The following CTU2 variants were observed in gnomAD, a reference collection of about 807,000 sequenced individuals.
CTU2 encodes cytoplasmic tRNA 2-thiolation protein 2.
In CTU2, 80 loss-of-function variants were observed where a neutral mutation model predicts 64.1. The observed-to-expected ratio is 1.25, with a 90% CI of 1.04 to 1.50. The LOEUF (loss-of-function observed/expected upper bound fraction) is 1.50. Ranked by LOEUF, CTU2 falls within the 40% of genes most tolerant of loss-of-function variation. The pLI, the probability that CTU2 is intolerant of heterozygous loss-of-function variation, is 0.00. For synonymous variants in CTU2, 482 were observed against 285.3 expected (o/e 1.69, Z -6.95); for missense variants, 1,110 against 690.2 (o/e 1.61, Z -6.81).
Position 88,709,984 on chromosome 16 carries a change from G to A in CTU2, c.190G>A (p.Gly64Ser), listed in dbSNP as rs750767961. ...CGTCCACAAGTTCAGAGCCATGCTG[G>A]GCAAGAACCGGCTCATCTTTCCAGG... ...FYVHKFRAML[G>S]KNRLIFPGEK... is the part of the protein sequence containing the mutation. Residue 64 changes from glycine (G) to serine (S), a missense_variant, in exon 3 of 15, where the codon GGC (glycine) becomes AGC (serine). By Grantham distance (56) the Gly-to-Ser change is moderately conservative (BLOSUM62 0). Transcript: ENST00000453996. 2.5e-6 allele frequency: 4 copies of A among 1,613,906 alleles called. No individual in the cohort carries two copies. The highest frequency in any genetic ancestry group is 3.4e-6 in the Non-Finnish European group (4 of 1,180,006).
Position 88,712,699 on chromosome 16 carries a change from C to G in CTU2, c.531C>G (p.Ala177=). 1 of 1,610,380 alleles carries G rather than the reference C, an allele frequency of 6.2e-7. No individual in the cohort carries two copies. The highest frequency in any genetic ancestry group is 8.5e-7 in the Non-Finnish European group (1 of 1,179,410). ...GATCCGAGGGGGCCTACAAGGCGGC[C>G]GTGGACAGCTTCCTCCAGCAGCAGC... is the stretch of plus-strand genomic sequence containing the variant. ...LVGSEGAYKA[A]VDSFLQQQHV... The change falls in exon 7 of 15, where the codon GCC becomes GCG. Residue 177 remains alanine, a synonymous_variant. Coordinates refer to ENST00000453996, the MANE Select transcript of CTU2 (RefSeq NM_001012759.3).
rs746726131 is a variant in CTU2 at position 88,713,440 on chromosome 16, G to A, written c.866G>A (p.Trp289Ter). Reference protein sequence around the residue: ...LALGRGAFLAWDTGFSDERHG... With the variant: ...LALGRGAFLA The stretch of plus-strand genomic sequence containing the variant: ...CTGGGTCGAGGGGCCTTCCTGGCCT[G>A]GGATACGGTAGGCAGGGGCCTGGGT... The change falls in exon 8 of 15, where the codon TGG becomes TAG. Residue 289 changes from tryptophan (W) to a stop codon, truncating the protein, a stop_gained. Coordinates refer to ENST00000453996, the MANE Select transcript of CTU2 (RefSeq NM_001012759.3). LOFTEE classifies it high-confidence loss of function. 1.3e-6 allele frequency: 2 copies of A among 1,579,020 alleles called. No homozygotes were observed. The highest frequency in any genetic ancestry group is 2.3e-5 in the East Asian group (1 of 44,048).
At chr16:88,715,023 C>T (rs769410764) in intron 13 of CTU2, 25 bp from the exon 14 acceptor site, 20 of 1,578,580 alleles carry the variant, frequency 1.3e-5, no homozygotes, top group Middle Eastern at 1.7e-4. Flanking sequence ...GTTTCTTGGC[C>T]CCTCGACACC....
At position 88,709,960 on chromosome 16, in the gene CTU2, G is replaced by T. The variant is rs1249435622; in HGVS notation, c.166G>T (p.Val56Phe). 2 of 1,613,848 alleles carry T rather than the reference G, an allele frequency of 1.2e-6. No homozygotes were observed. Residue 56 changes from valine (V) to phenylalanine (F), a missense_variant, in exon 3 of 15, where the codon GTC becomes TTC. Physicochemically the swap from Val to Phe is conservative, Grantham distance 50. Transcript: ENST00000453996. Reference sequence around the variant, plus strand: ...CAGGGACTGTTTCAAGGCCTTCTACGTCCACAAGTTCAGAGCCATGCTGGG... The same window carrying T: ...CAGGGACTGTTTCAAGGCCTTCTACTTCCACAAGTTCAGAGCCATGCTGGG... ...FCRDCFKAFY[V>F]HKFRAMLGKN...
At chr16:88,713,809 A>C (rs1246384755) in intron 9 of CTU2, 31 bp downstream of exon 9, 2 of 1,610,344 alleles carry the variant, frequency 1.2e-6, no homozygotes, top group South Asian at 1.1e-5. Flanking sequence ...AACCTCTCTC[A>C]CCATTGACAC....
Position 88,715,174 on chromosome 16 carries a change from C to T in CTU2, c.1479-8C>T, listed in dbSNP as rs1311097857. On this transcript the variant is annotated splice_region_variant and splice_polypyrimidine_tract_variant and intron_variant, in intron 14 of 14. Coordinates refer to ENST00000453996, the MANE Select transcript of CTU2 (RefSeq NM_001012759.3). ...CGGGGCTGGTGCCCACTGCAGCTTTCTCTCTAGGGCCTGGGGCTTGCAGGA... is the reference window on the plus strand; with the variant it reads ...CGGGGCTGGTGCCCACTGCAGCTTTTTCTCTAGGGCCTGGGGCTTGCAGGA... 5 of 1,611,528 alleles carry T rather than the reference C, an allele frequency of 3.1e-6. No individual in the cohort carries two copies. The highest frequency in any genetic ancestry group is 1.3e-5 in the African/African-American group (1 of 74,892).
rs368298039 is a variant in CTU2 at position 88,715,262 on chromosome 16, G to C, written c.*11G>C. On this transcript the variant is annotated 3_prime_UTR_variant, in exon 15 of 15. Coordinates refer to ENST00000453996, the MANE Select transcript of CTU2 (RefSeq NM_001012759.3). The stretch of plus-strand genomic sequence containing the variant: ...GCGGGCCAGAGCTGAGCGTGAGGAC[G>C]TGCTTGCCGGGACAGCAGGCAGTGG... The C allele has an allele frequency of 6.2e-7, 1 of 1,610,004 alleles. No individual in the cohort carries two copies. Among genetic ancestry groups the C allele is most frequent in the Non-Finnish European group, 8.5e-7 (1 of 1,179,562 alleles).
intron 1 of CTU2, 60 bp downstream of exon 1, chr16:88,706,658 C>T (rs1910863055): frequency 8.1e-7 from 1 of 1,228,736 alleles, no homozygotes; most frequent in South Asian, 1.8e-5. Context: ...CACTCCTGCC[C>T]CGAAGGGTCC....
chr16:88,706,512 G>T lies in CTU2; in HGVS notation c.-19G>T. The T allele has an allele frequency of 7.0e-7, 1 of 1,418,850 alleles. No individual in the cohort carries two copies. The highest frequency in any genetic ancestry group is 9.1e-7 in the Non-Finnish European group (1 of 1,093,004). The allele number at this position is 1,418,850 out of a possible 1,614,324, so 87.9% of individuals were successfully genotyped here. On this transcript the variant is annotated 5_prime_UTR_variant, in exon 1 of 15. Coordinates refer to ENST00000453996, the MANE Select transcript of CTU2 (RefSeq NM_001012759.3). ...TCGCGCTGTCGCCGCCACAGTCTGC[G>T]ACGGGACCCGGCGTGCCCATGTGTC...
intron 1 of CTU2, 126 bp downstream of exon 1, chr16:88,706,724 A>G: frequency 1.5e-6 from 1 of 666,098 alleles, no homozygotes; most frequent in Non-Finnish European, 2.3e-6. Flanking sequence ...GCTCCCTAGC[A>G]CTCGGGGAAT....
intron 2 of CTU2, among the ~76,000 whole-genome samples, chr16:88,707,753 TCTC>T (rs1463780419): frequency 1.3e-5 from 2 of 152,096 alleles, no homozygotes; most frequent in African/African-American, 4.8e-5. Context: ...ACCAGGTCTC[TCTC>T]CTTTTAGCCC....
At chr16:88,713,879 A>T in intron 9 of CTU2, 101 bp downstream of exon 9, 1 of 1,480,668 alleles carries the variant, frequency 6.8e-7, no homozygotes, top group Admixed American at 1.7e-5. Flanking sequence ...GCACACCTTC[A>T]GTGACTCCTG....
intron 5 of CTU2, 32 bp from the exon 6 acceptor site, chr16:88,712,242 G>C (rs188714021): frequency 1.9e-6 from 3 of 1,557,272 alleles, no homozygotes; most frequent in Middle Eastern, 1.7e-4. Context: ...GCTCCTCTCT[G>C]AGCCCTGACT....
Position 88,707,118 on chromosome 16 carries a change from C to T in CTU2, c.69-18C>T. 4 of 1,612,398 alleles carry T rather than the reference C, an allele frequency of 2.5e-6. No homozygotes were observed. The highest frequency in any genetic ancestry group is 3.4e-6 in the Non-Finnish European group (4 of 1,178,640). On this transcript the variant is annotated intron_variant, in intron 1 of 14. Transcript: ENST00000453996. ...TGTGATCTGTGTTTCTCTCTTCTCC[C>T]CCCTCCCATCTCCAAAGCCGTGAGC...
At position 88,714,190 on chromosome 16, in the gene CTU2, C is replaced by G. The variant is rs780126764; in HGVS notation, c.1060C>G (p.Gln354Glu). ...GATGGAGGCCTTCATCCTCAGGCTG[C>G]AGACCCAGTTCCCCTCCACTGTCAG... Reference protein sequence around the residue: ...RLMEAFILRLQTQFPSTVSTV... With the variant: ...RLMEAFILRLETQFPSTVSTV... The change falls in exon 10 of 15, where the codon CAG becomes GAG. Residue 354 changes from glutamine (Q) to glutamate (E), a missense_variant. Physicochemically the swap from Gln to Glu is conservative, Grantham distance 29. Coordinates refer to ENST00000453996, the MANE Select transcript of CTU2 (RefSeq NM_001012759.3). 1.2e-6 allele frequency: 2 copies of G among 1,612,486 alleles called. No homozygotes were observed. The highest frequency in any genetic ancestry group is 1.7e-6 in the Non-Finnish European group (2 of 1,179,866).
chr16:88,714,721 C>CA lies in CTU2; in HGVS notation c.1337dup (p.Ala448GlyfsTer12). On this transcript the variant is annotated frameshift_variant, in exon 12 of 15. Transcript: ENST00000453996. LOFTEE classifies it high-confidence loss of function. ...GGTGGGCTGGGCCCAGCGCTGTGGC[C>CA]AGGGGGCCTGCAGGAGGTGAGTCCC... 2 of 1,608,092 alleles carry CA rather than the reference C, an allele frequency of 1.2e-6. No homozygotes were observed. Among genetic ancestry groups the CA allele is most frequent in the Non-Finnish European group, 1.7e-6 (2 of 1,177,336 alleles).
rs368079417 is a variant in CTU2, at chr16:88,715,096, C to G, written c.1468C>G (p.Arg490Gly). 2 of 1,584,270 alleles carry G rather than the reference C, an allele frequency of 1.3e-6. No individual in the cohort carries two copies. The change falls in exon 14 of 15, where the codon CGC (arginine) becomes GGC (glycine). Residue 490 changes from arginine (R) to glycine (G), a missense_variant. Transcript: ENST00000453996. ...PPYILAEAQL[R>G]TQRAWGLQEI... ...GTACATCCTGGCTGAGGCCCAGCTC[C>G]GCACACAGAGGTACTGGGGCCCACA...
intron 1 of CTU2, 119 bp from the exon 2 acceptor site, chr16:88,707,017 G>A (rs935641691): frequency 2.2e-6 from 2 of 896,808 alleles, no homozygotes; most frequent in Non-Finnish European, 3.7e-6. Context: ...TGTGTGTACC[G>A]AGGTGCCTTT....
At position 88,710,205 on chromosome 16, in the gene CTU2, A is replaced by T. The variant is rs751499655; in HGVS notation, c.223-18A>T. 1.9e-5 allele frequency: 31 copies of T among 1,613,828 alleles called. No homozygotes were observed. In the South Asian group the frequency reaches 3.4e-4, roughly 18 times the overall value. Reference sequence around the variant, plus strand: ...TGTTGGAGGTGCGGTGCCCTGAGTGATGTTTTTTCTCCCCCAGGTGCTCTT... The same window carrying T: ...TGTTGGAGGTGCGGTGCCCTGAGTGTTGTTTTTTCTCCCCCAGGTGCTCTT... On this transcript the variant is annotated intron_variant, in intron 3 of 14. Transcript: ENST00000453996.
Sources: allele counts gnomAD v4.1 joint callset (sites outside exome capture counted in the v4.1 genomes callset), GRCh38; gene constraint gnomAD v4.1.1; transcripts MANE v1.5; gene names NCBI Gene and HGNC (gene_info 2026-07-23, HGNC 2026-07-21).